Variants in MSX1 observed in about 807,000 individuals in gnomAD.
MSX1 encodes msh homeobox 1.
In MSX1, 11 loss-of-function variants were observed where a neutral mutation model predicts 17.0. The ratio of observed to expected loss-of-function variants is 0.65; its 90% CI spans 0.41 to 1.07. MSX1 has a LOEUF of 1.07. Among genes scored for constraint, MSX1 ranks in the 50% least tolerant of loss-of-function variants. The pLI, the probability that MSX1 is intolerant of heterozygous loss-of-function variation, is 0.00. For synonymous variants in MSX1, 253 were observed against 211.8 expected, an observed-to-expected ratio of 1.19 and a Z score of -1.69; for missense variants, 477 against 440.1, an observed-to-expected ratio of 1.08 and a Z score of -0.75.
intron 1 of MSX1, among the ~76,000 whole-genome samples, chr4:4,860,696 C>T (rs1577535533): frequency 6.6e-6 from 1 of 152,348 alleles, no homozygotes; most frequent in Non-Finnish European, 1.5e-5. Context: ...TCATCGGCTT[C>T]ACCCCAGCGG....
In MSX1 at chr4:4,859,852, G is replaced by C; in HGVS notation, c.-48G>C. 1 of 1,417,762 alleles carries C rather than the reference G, an allele frequency of 7.1e-7. No individual in the cohort carries two copies. The highest frequency in any genetic ancestry group is 9.2e-7 in the Non-Finnish European group (1 of 1,082,054). 87.8% of individuals were successfully genotyped at this position (1,417,762 alleles called of 1,614,324 possible). A position where few individuals can be genotyped will look rare whatever the true frequency, so the allele number is the denominator to read the frequency against. On this transcript the variant is annotated 5_prime_UTR_variant, in exon 1 of 2. The change abolishes an upstream ATG in the 5' untranslated region. Coordinates refer to ENST00000382723, the MANE Select transcript of MSX1 (RefSeq NM_002448.3). ...CGCTCCCAGCCCGCCCGGAGCCCAT[G>C]CCCGGCGGCTGGCCAGTGCTGCGGC...
At chr4:4,860,504 C>T in intron 1 of MSX1, 136 bp downstream of exon 1, 5 of 1,120,736 alleles carry the variant, frequency 4.5e-6, no homozygotes, top group South Asian at 4.2e-5. Context: ...GCTGCAAGGC[C>T]GGGTCTTGCG....
rs1737982523 is a variant in MSX1 at position 4,863,640 on chromosome 4, C to T, written c.*497C>T. On this transcript the variant is annotated 3_prime_UTR_variant, in exon 2 of 2. Coordinates refer to ENST00000382723, the MANE Select transcript of MSX1 (RefSeq NM_002448.3). ...CCAGGAAGATGAATCCTAGCTTCTT[C>T]CATTGGAAAATTTAAGACAAGTTCA... is the stretch of plus-strand genomic sequence containing the variant. 2 of 142,970 alleles carry T rather than the reference C, an allele frequency of 1.4e-5. No individual in the cohort carries two copies. The highest frequency in any genetic ancestry group is 5.2e-5 in the African/African-American group (2 of 38,296). The allele number at this position is 142,970 out of a possible 1,614,324, so 8.9% of individuals were successfully genotyped here.
In MSX1 at chr4:4,863,176, G is replaced by A. The variant is rs757564572; in HGVS notation, c.*33G>A. 4 of 1,565,622 alleles carry A rather than the reference G, an allele frequency of 2.6e-6. No individual in the cohort carries two copies. In the African/African-American group the frequency reaches 4.0e-5, roughly 16 times the overall value. On this transcript the variant is annotated 3_prime_UTR_variant, in exon 2 of 2. Transcript: ENST00000382723. ...CAGGTCGCCCACCTGTGGGCCAGCC[G>A]ATTCCTCCAGCCCTGGTGCTGTACC...
rs902284125 is a variant in MSX1, at chr4:4,862,955, G to T, written c.724G>T (p.Ala242Ser). The T allele has an allele frequency of 1.2e-6, 2 of 1,613,198 alleles. No homozygotes were observed. Among genetic ancestry groups the T allele is most frequent in the Non-Finnish European group, 1.7e-6 (2 of 1,179,994 alleles). The part of the protein sequence containing the change: ...EAELEKLKMA[A>S]KPMLPPAAFG... ...AGAGCTGGAGAAGCTGAAGATGGCC[G>T]CCAAGCCCATGCTGCCACCGGCTGC... Residue 242 changes from alanine (A) to serine (S), a missense_variant, in exon 2 of 2, where the codon GCC becomes TCC. By Grantham distance (99) the Ala-to-Ser change is moderately conservative. This residue lies in a region of MSX1 where 114 missense variants were observed against 106.3 expected (regional missense o/e 1.07). Transcript: ENST00000382723.
At chr4:4,862,535 G>A (rs1373602470) in intron 1 of MSX1, 166 bp from the exon 2 acceptor site, 2 of 865,426 alleles carry the variant, frequency 2.3e-6, no homozygotes, top group Non-Finnish European at 1.9e-6. Flanking sequence ...GTTGCAATGG[G>A]AATTGGAGAA....
chr4:4,860,354 C>A lies in MSX1; in HGVS notation c.455C>A (p.Ser152Tyr). Residue 152 changes from serine (S) to tyrosine (Y), a missense_variant, in exon 1 of 2, where the codon TCC becomes TAC. Transcript: ENST00000382723. ...CCGTGGATGCAGAGCCCCCGCTTCTCCCCGCCGCCGGCCAGTGAGTAGCCA... is the reference window on the plus strand; with the variant it reads ...CCGTGGATGCAGAGCCCCCGCTTCTACCCGCCGCCGGCCAGTGAGTAGCCA... ...RTPWMQSPRFSPPPARRLSPP... is the reference protein window; with the variant it reads ...RTPWMQSPRFYPPPARRLSPP... The A allele has an allele frequency of 6.2e-7, 1 of 1,604,110 alleles. No homozygotes were observed. Among genetic ancestry groups the A allele is most frequent in the Non-Finnish European group, 8.5e-7 (1 of 1,179,416 alleles).
Position 4,860,029 on chromosome 4 carries a change from G to C in MSX1, c.130G>C (p.Gly44Arg). The change falls in exon 1 of 2, where the codon GGC (glycine) becomes CGC (arginine). Residue 44 changes from glycine to arginine, a missense_variant. By Grantham distance (125) the Gly-to-Arg change is moderately radical (BLOSUM62 -2). This residue lies in a region of MSX1 where 355 missense variants were observed against 306.1 expected (regional missense o/e 1.16). Coordinates refer to ENST00000382723, the MANE Select transcript of MSX1 (RefSeq NM_002448.3). ...SAAAATAAAM[G>R]ADEEGAKPKV... ...CGCCGCGGCCACGGCAGCCGCCATG[G>C]GCGCGGACGAGGAGGGGGCCAAGCC... 1 of 1,506,526 alleles carries C rather than the reference G, an allele frequency of 6.6e-7. No homozygotes were observed. Among genetic ancestry groups the C allele is most frequent in the Non-Finnish European group, 8.9e-7 (1 of 1,128,312 alleles). 93.3% of individuals were successfully genotyped at this position (1,506,526 alleles called of 1,614,324 possible).
chr4:4,862,925 G>C lies in MSX1; in HGVS notation c.694G>C (p.Glu232Gln). 1 of 1,613,490 alleles carries C rather than the reference G, an allele frequency of 6.2e-7. No homozygotes were observed. The highest frequency in any genetic ancestry group is 8.5e-7 in the Non-Finnish European group (1 of 1,180,010). Residue 232 changes from glutamate to glutamine, a missense_variant, in exon 2 of 2, where the codon GAG becomes CAG. Physicochemically the swap from Glu to Gln is conservative, Grantham distance 29 (BLOSUM62 2). This residue lies in a region of MSX1 where 114 missense variants were observed against 106.3 expected (regional missense o/e 1.07). Coordinates refer to ENST00000382723, the MANE Select transcript of MSX1 (RefSeq NM_002448.3). ...CCGCGCCAAGGCAAAGAGACTACAAGAGGCAGAGCTGGAGAAGCTGAAGAT... is the reference window on the plus strand; with the variant it reads ...CCGCGCCAAGGCAAAGAGACTACAACAGGCAGAGCTGGAGAAGCTGAAGAT... The part of the protein sequence containing the change: ...NRRAKAKRLQ[E>Q]AELEKLKMAA...
rs930081770 is a variant in MSX1 at position 4,860,249 on chromosome 4, A to G, written c.350A>G (p.His117Arg). The G allele has an allele frequency of 2.5e-6, 4 of 1,586,224 alleles. No homozygotes were observed. Among genetic ancestry groups the G allele is most frequent in the African/African-American group, 1.4e-5 (1 of 73,206 alleles). ...CCCTCTTCGCCGCGGCCGCTCGGCC[A>G]TTTCTCGGTGGGGGGACTCCTCAAG... ...DAPSSPRPLG[H>R]FSVGGLLKLP... Residue 117 changes from histidine to arginine, a missense_variant, in exon 1 of 2, where the codon CAT becomes CGT. Physicochemically the swap from His to Arg is conservative, Grantham distance 29. Around this residue, in one of 3 missense-constraint regions of MSX1, gnomAD observed 355 missense variants for 306.1 expected, o/e 1.16. Coordinates refer to ENST00000382723, the MANE Select transcript of MSX1 (RefSeq NM_002448.3).
At chr4:4,861,241 TCC>T (rs1200955845) in intron 1 of MSX1, among the ~76,000 whole-genome samples, 2 of 152,238 alleles carry the variant, frequency 1.3e-5, no homozygotes, top group Non-Finnish European at 2.9e-5. Context: ...GGCCAGTCCC[TCC>T]CTAAGCCTAA....
At chr4:4,861,876 A>G (rs1737923230) in intron 1 of MSX1, among the ~76,000 whole-genome samples, 1 of 135,178 alleles carries the variant, frequency 7.4e-6, no homozygotes, top group Admixed American at 7.9e-5. Flanking sequence ...CGATCTCAAC[A>G]CTCCCCCCGC....
chr4:4,861,612 C>T (rs1259340691), intron 1 of MSX1, among the ~76,000 whole-genome samples: 1 of 152,242 alleles, frequency 6.6e-6, no homozygotes, highest in Non-Finnish European at 1.5e-5. Context: ...GCTGCATAGG[C>T]AAAGTGTCCT....
Position 4,863,552 on chromosome 4 carries a change from C to CAAAAAAAAAAAAAAAAAAAA in MSX1, c.*426_*445dup, listed in dbSNP as rs33949394. Reference sequence around the variant, plus strand: ...ACGATTTTGGAAATGAGAACAATCTCAAAAAAAAAAAAAAAAAAAAAAAAA... The same window carrying CAAAAAAAAAAAAAAAAAAAA: ...ACGATTTTGGAAATGAGAACAATCTCAAAAAAAAAAAAAAAAAAAAAAAAAAAAAAAAAAAAAAAAAAAAA... On this transcript the variant is annotated 3_prime_UTR_variant, in exon 2 of 2. Transcript: ENST00000382723. 4.0e-4 allele frequency: 17 copies of CAAAAAAAAAAAAAAAAAAAA among 42,124 alleles called. 4 individuals are homozygous for CAAAAAAAAAAAAAAAAAAAA. The highest frequency in any genetic ancestry group is 0.022 in the Middle Eastern group (1 of 46). The allele number at this position is 42,124 out of a possible 1,614,324, so 2.6% of individuals were successfully genotyped here. A position where few individuals can be genotyped will look rare whatever the true frequency, so the allele number is the denominator to read the frequency against.
In MSX1 at chr4:4,862,961, C is replaced by T. The variant is rs1352210643; in HGVS notation, c.730C>T (p.Pro244Ser). ...ELEKLKMAAKPMLPPAAFGLS... is the reference protein window; with the variant it reads ...ELEKLKMAAKSMLPPAAFGLS... ...GGAGAAGCTGAAGATGGCCGCCAAG[C>T]CCATGCTGCCACCGGCTGCCTTCGG... The change falls in exon 2 of 2, where the codon CCC (proline) becomes TCC (serine). Residue 244 changes from proline (P) to serine (S), a missense_variant. Pro to Ser is a moderately conservative substitution (Grantham distance 74). Around this residue, in one of 3 missense-constraint regions of MSX1, gnomAD observed 114 missense variants for 106.3 expected, o/e 1.07. Coordinates refer to ENST00000382723, the MANE Select transcript of MSX1 (RefSeq NM_002448.3). The T allele has an allele frequency of 1.9e-6, 3 of 1,613,228 alleles. No individual in the cohort carries two copies. Among genetic ancestry groups the T allele is most frequent in the Non-Finnish European group, 2.5e-6 (3 of 1,180,004 alleles).
At chr4:4,862,657 G>C (rs1356357405) in intron 1 of MSX1, 44 bp from the exon 2 acceptor site, 8 of 1,599,358 alleles carry the variant, frequency 5.0e-6, no homozygotes, top group Non-Finnish European at 6.8e-6. Flanking sequence ...ATGCTCCAAT[G>C]CTTCTCTCTT....
At position 4,860,141 on chromosome 4, in the gene MSX1, C is replaced by T. The variant is rs964861174; in HGVS notation, c.242C>T (p.Ala81Val). Residue 81 changes from alanine to valine, a missense_variant, in exon 1 of 2, where the codon GCG becomes GTG. Around this residue, in one of 3 missense-constraint regions of MSX1, gnomAD observed 355 missense variants for 306.1 expected, o/e 1.16. Coordinates refer to ENST00000382723, the MANE Select transcript of MSX1 (RefSeq NM_002448.3). ...CCGGGGGCCAAGGAGAGCGCCCTGG[C>T]GCCCTCCGAGGGCGTGCAGGCGGCG... ...RKPGAKESAL[A>V]PSEGVQAAGG... is the part of the protein sequence containing the mutation. 5.3e-6 allele frequency: 8 copies of T among 1,511,798 alleles called. No homozygotes were observed. Among genetic ancestry groups the T allele is most frequent in the African/African-American group, 1.4e-5 (1 of 69,174 alleles). The allele number at this position is 1,511,798 out of a possible 1,614,324, so 93.6% of individuals were successfully genotyped here. A position where few individuals can be genotyped will look rare whatever the true frequency, so the allele number is the denominator to read the frequency against.
chr4:4,860,489 C>G (rs1186821577), intron 1 of MSX1, 121 bp downstream of exon 1: 11 of 1,286,234 alleles, frequency 8.6e-6, no homozygotes, highest in Non-Finnish European at 1.1e-5. Context: ...GCTAGGGAGC[C>G]GTGGGCTGCA....
At chr4:4,862,565 G>A in intron 1 of MSX1, 136 bp from the exon 2 acceptor site, 2 of 1,020,768 alleles carry the variant, frequency 2.0e-6, no homozygotes, top group Admixed American at 3.4e-5. Context: ...CAAGTGCCTT[G>A]CGCGATGCCC....
Sources: gnomAD v4.1 joint callset for allele counts (sites outside exome capture counted in the v4.1 genomes callset) on GRCh38, gnomAD v4.1.1 for gene constraint, gnomAD v4.1.1 regional missense constraint, MANE v1.5 for transcripts, NCBI Gene and HGNC (gene_info 2026-07-23, HGNC 2026-07-21) for gene names.